Variants in CCSER1 observed in about 807,000 individuals in gnomAD.
CCSER1 encodes the protein serine-rich coiled-coil domain-containing protein 1.
In CCSER1, 41 loss-of-function variants were observed where a neutral mutation model predicts 82.0. The observed-to-expected ratio is 0.50, with a 90% CI of 0.39 to 0.65. The LOEUF is 0.65. Ranked by LOEUF, CCSER1 falls within the 30% of genes least tolerant of loss-of-function variation. The pLI, the probability that CCSER1 is intolerant of heterozygous loss-of-function variation, is 0.00. For synonymous variants in CCSER1, 414 were observed against 383.9 expected (o/e 1.08, Z -0.92); for missense variants, 1,119 against 1,064.2 (o/e 1.05, Z -0.72).
chr4:90,163,721 A>C (rs1456094216), intron 1 of CCSER1, among the ~76,000 whole-genome samples: 1 of 152,122 alleles, frequency 6.6e-6, no homozygotes, highest in Non-Finnish European at 1.5e-5. Context: ...GATGTCAAGG[A>C]AATGAGGTGT....
chr4:91,275,007 G>A (rs1742307907), intron 10 of CCSER1, among the ~76,000 whole-genome samples: 1 of 151,972 alleles, frequency 6.6e-6, no homozygotes, highest in African/African-American at 2.4e-5. Flanking sequence ...TTGGGAGGCT[G>A]AGGCAGGAGA....
intron 8 of CCSER1, among the ~76,000 whole-genome samples, chr4:90,864,327 G>A (rs1765473537): frequency 6.6e-6 from 1 of 151,986 alleles, no homozygotes; most frequent in Non-Finnish European, 1.5e-5. Flanking sequence ...CAAAGTTCAT[G>A]TGTTGGAAAC....
chr4:91,414,269 G>A (rs1472090116), intron 10 of CCSER1, among the ~76,000 whole-genome samples: 1 of 152,064 alleles, frequency 6.6e-6, no homozygotes, highest in Non-Finnish European at 1.5e-5. Context: ...AATATGCAAA[G>A]TGTGACATCA....
intron 10 of CCSER1, among the ~76,000 whole-genome samples, chr4:91,588,937 G>A (rs1764138734): frequency 6.6e-6 from 1 of 151,742 alleles, no homozygotes; most frequent in South Asian, 2.1e-4. Flanking sequence ...ACATTTACAA[G>A]AATAAATTGG....
At chr4:90,568,889 T>A (rs1174733508) in intron 5 of CCSER1, among the ~76,000 whole-genome samples, 1 of 151,416 alleles carries the variant, frequency 6.6e-6, no homozygotes, top group Non-Finnish European at 1.5e-5. Flanking sequence ...TGCCTCAGCC[T>A]CCAAAGTAGC....
At chr4:90,197,001 T>G (rs1310538247) in intron 1 of CCSER1, among the ~76,000 whole-genome samples, 1 of 152,034 alleles carries the variant, frequency 6.6e-6, no homozygotes, top group Non-Finnish European at 1.5e-5. Flanking sequence ...TCAGTTCCAC[T>G]AGACTACCCC....
At chr4:90,974,897 A>G (rs1735467243) in intron 9 of CCSER1, among the ~76,000 whole-genome samples, 1 of 151,424 alleles carries the variant, frequency 6.6e-6, no homozygotes, top group Admixed American at 6.6e-5. Context: ...ACTTATGTTC[A>G]CACAAAAACT....
At chr4:91,303,336 T>TCACAGC (rs1744810742) in intron 10 of CCSER1, among the ~76,000 whole-genome samples, 1 of 152,018 alleles carries the variant, frequency 6.6e-6, no homozygotes, top group Non-Finnish European at 1.5e-5. Flanking sequence ...AAAATCCATG[T>TCACAGC]CACAGCCACA....
intron 1 of CCSER1, among the ~76,000 whole-genome samples, chr4:90,141,727 A>C (rs1724832401): frequency 6.6e-6 from 1 of 152,220 alleles, no homozygotes; most frequent in Non-Finnish European, 1.5e-5. Context: ...TTTGCCGATG[A>C]AATGTCATTT....
chr4:91,226,194 A>T (rs1738191591), intron 10 of CCSER1, among the ~76,000 whole-genome samples: 1 of 151,946 alleles, frequency 6.6e-6, no homozygotes, highest in African/African-American at 2.4e-5. Flanking sequence ...AAAGAAGACA[A>T]TGAAAGATAT....
intron 7 of CCSER1, among the ~76,000 whole-genome samples, chr4:90,752,221 T>C (rs1185450828): frequency 4.6e-5 from 7 of 152,128 alleles, no homozygotes; most frequent in Non-Finnish European, 7.4e-5. Context: ...TTAATACCTC[T>C]GATATGCCTC....
chr4:91,323,872 C>G (rs966306229), intron 10 of CCSER1, among the ~76,000 whole-genome samples: 2 of 152,100 alleles, frequency 1.3e-5, no homozygotes, highest in African/African-American at 4.8e-5. Flanking sequence ...GCATTAGAGG[C>G]TAGGAAATTT....
chr4:90,269,184 A>T (rs1198348878), intron 1 of CCSER1, among the ~76,000 whole-genome samples: 1 of 152,140 alleles, frequency 6.6e-6, no homozygotes, highest in Non-Finnish European at 1.5e-5. Flanking sequence ...GATTGAATAG[A>T]CTTAATAGAC....
At chr4:91,019,473 A>G (rs1381299) in intron 9 of CCSER1, among the ~76,000 whole-genome samples, 148,705 of 152,242 alleles carry the variant, frequency 0.98, 72,638 homozygotes, top group East Asian at 1. Flanking sequence ...TTGGAATTTT[A>G]TTTGATATTG....
intron 10 of CCSER1, among the ~76,000 whole-genome samples, chr4:91,522,652 A>G (rs983918645): frequency 6.6e-6 from 1 of 152,070 alleles, no homozygotes; most frequent in Non-Finnish European, 1.5e-5. Context: ...ATGGGAATGC[A>G]CTCATGATTT....
chr4:91,229,532 A>G (rs988886335), intron 10 of CCSER1, among the ~76,000 whole-genome samples: 8 of 152,128 alleles, frequency 5.3e-5, no homozygotes, highest in Non-Finnish European at 1.0e-4. Context: ...AGACACATGC[A>G]CATGTATGTT....
At chr4:90,468,121 T>C (rs940558538) in intron 4 of CCSER1, 113 bp from the exon 5 acceptor site, 9 of 897,082 alleles carry the variant, frequency 1.0e-5, no homozygotes, top group Non-Finnish European at 7.9e-6. Context: ...ATAATTAATG[T>C]TTTATTAGAA....
chr4:90,665,254 C>T lies in CCSER1; in HGVS notation c.1932+37022C>T, dbSNP rs928126055. Reference sequence around the variant, plus strand: ...TGTTGTATGTCATGTATTTTCTGCGCTTTGTGACATATGGCTGTAATTTCG... The same window carrying T: ...TGTTGTATGTCATGTATTTTCTGCGTTTTGTGACATATGGCTGTAATTTCG... On this transcript the variant is annotated intron_variant, in intron 6 of 10. Transcript: ENST00000509176. 4.0e-5 allele frequency among the ~76,000 whole-genome samples: 6 copies of T among 151,890 alleles called. No individual in the cohort carries two copies. In the East Asian group the frequency reaches 1.2e-3, roughly 29 times the overall value.
chr4:91,463,846 G>T (rs1484923585), intron 10 of CCSER1, among the ~76,000 whole-genome samples: 1 of 152,124 alleles, frequency 6.6e-6, no homozygotes, highest in Admixed American at 6.6e-5. Context: ...AAGAAATATG[G>T]GACTATGTGA....
Sources: gnomAD v4.1 joint callset for allele counts (sites outside exome capture counted in the v4.1 genomes callset) on GRCh38, gnomAD v4.1.1 for gene constraint, MANE v1.5 for transcripts, NCBI Gene and HGNC (gene_info 2026-07-23, HGNC 2026-07-21) for gene names.